Variants in ABCG2 observed in about 807,000 individuals in gnomAD.
ABCG2 encodes broad substrate specificity ATP-binding cassette transporter ABCG2.
In ABCG2, 80 loss-of-function variants were observed where a neutral mutation model predicts 73.5. The ratio of observed to expected loss-of-function variants is 1.09; its 90% CI spans 0.91 to 1.31. The LOEUF is 1.31. Ranked by LOEUF, ABCG2 falls within the 50% of genes most tolerant of loss-of-function variation. The pLI is 0.00. For missense variants in ABCG2, 796 were observed against 786.2 expected (o/e 1.01, Z -0.15); for synonymous variants, 269 against 282.4 (o/e 0.95, Z 0.48).
chr4:88,182,513 T>G (rs1728296938), intron 1 of ABCG2, among the ~76,000 whole-genome samples: 1 of 152,094 alleles, frequency 6.6e-6, no homozygotes, highest in Non-Finnish European at 1.5e-5. Flanking sequence ...AAAGCAAGTC[T>G]TTAAAAATTC....
chr4:88,090,904 G>C lies in ABCG2; in HGVS notation c.*1330C>G, dbSNP rs1721600271. The C allele has an allele frequency of 6.6e-6, 1 of 152,234 alleles. No individual in the cohort carries two copies. The highest frequency in any genetic ancestry group is 1.5e-5 in the Non-Finnish European group (1 of 68,032). 9.4% of individuals were successfully genotyped at this position (152,234 alleles called of 1,614,324 possible). A position where few individuals can be genotyped will look rare whatever the true frequency, so the allele number is the denominator to read the frequency against. ...TTAACATTAAGGGAAGCTGAGCAAA[G>C]AGTAGACAGGAACTTTCCTCACTAT... On this transcript the variant is annotated 3_prime_UTR_variant, in exon 16 of 16. Transcript: ENST00000237612.
At chr4:88,102,139 G>A (rs1722466625) in intron 10 of ABCG2, among the ~76,000 whole-genome samples, 1 of 152,192 alleles carries the variant, frequency 6.6e-6, no homozygotes, top group South Asian at 2.1e-4. Flanking sequence ...GCAGGGCCGT[G>A]ACATTATCCT....
intron 10 of ABCG2, among the ~76,000 whole-genome samples, chr4:88,105,556 CACA>C (rs1722717037): frequency 1.3e-5 from 2 of 152,140 alleles, no homozygotes; most frequent in African/African-American, 4.8e-5. Flanking sequence ...AGGTAAGGAT[CACA>C]ACACTAACAA....
chr4:88,114,731 T>A (rs1208517984), intron 8 of ABCG2, among the ~76,000 whole-genome samples: 2 of 152,168 alleles, frequency 1.3e-5, no homozygotes, highest in African/African-American at 4.8e-5. Flanking sequence ...GAGCATTTTT[T>A]AAAATGTTAA....
chr4:88,151,362 A>C lies in ABCG2; in HGVS notation c.-20+7024T>G, dbSNP rs570983561. Among the ~76,000 whole-genome samples, 131 of 152,326 alleles carry C rather than the reference A, an allele frequency of 8.6e-4. 1 individual carries two copies. The highest frequency in any genetic ancestry group is 1.6e-3 in the Non-Finnish European group (110 of 68,036). Reference sequence around the variant, plus strand: ...TACAACCCAGTCCTTGTTCTCCGTGAGTCTAGTACATGTCAACTACATGAA... The same window carrying C: ...TACAACCCAGTCCTTGTTCTCCGTGCGTCTAGTACATGTCAACTACATGAA... On this transcript the variant is annotated intron_variant, in intron 1 of 15. Transcript: ENST00000237612.
intron 9 of ABCG2, among the ~76,000 whole-genome samples, chr4:88,112,083 CT>C (rs1560669858): frequency 8.3e-6 from 1 of 120,980 alleles, no homozygotes; most frequent in East Asian, 2.3e-4. Flanking sequence ...GAGACCCAGT[CT>C]CTAAAAAAAA....
At chr4:88,180,252 A>G (rs1188333123) in intron 1 of ABCG2, among the ~76,000 whole-genome samples, 3 of 152,200 alleles carry the variant, frequency 2.0e-5, no homozygotes, top group Non-Finnish European at 4.4e-5. Context: ...TCTACAGGCC[A>G]GGAGAGAGTG....
chr4:88,190,897 A>G (rs1456440007), intron 1 of ABCG2, among the ~76,000 whole-genome samples: 1 of 152,074 alleles, frequency 6.6e-6, no homozygotes, highest in Non-Finnish European at 1.5e-5. Context: ...GATTATATAA[A>G]GAACCATTAC....
At chr4:88,127,897 C>A (rs531770396) in intron 5 of ABCG2, among the ~76,000 whole-genome samples, 13 of 150,942 alleles carry the variant, frequency 8.6e-5, no homozygotes, top group African/African-American at 2.4e-4. Context: ...GCAACAAAAG[C>A]CAAAATTGAC....
chr4:88,108,425 G>A (rs886086680), intron 9 of ABCG2, among the ~76,000 whole-genome samples: 3 of 152,100 alleles, frequency 2.0e-5, no homozygotes, highest in South Asian at 2.1e-4. Flanking sequence ...CCAGCTACTC[G>A]GGAGGCTGAG....
intron 1 of ABCG2, among the ~76,000 whole-genome samples, chr4:88,205,336 C>A (rs998438028): frequency 3.3e-5 from 5 of 152,192 alleles, no homozygotes; most frequent in Non-Finnish European, 5.9e-5. Flanking sequence ...AGCATTAAAC[C>A]TCTAAGATAT....
At chr4:88,189,519 A>C (rs1394749896) in intron 1 of ABCG2, among the ~76,000 whole-genome samples, 2 of 140,206 alleles carry the variant, frequency 1.4e-5, no homozygotes, top group Non-Finnish European at 3.1e-5. Flanking sequence ...GCATCTAAAA[A>C]TATAAATAAA....
In ABCG2 at chr4:88,121,617, T is replaced by G; in HGVS notation, c.689+18A>C. The G allele has an allele frequency of 6.2e-7, 1 of 1,611,044 alleles. No homozygotes were observed. Among genetic ancestry groups the G allele is most frequent in the Non-Finnish European group, 8.5e-7 (1 of 1,178,580 alleles). ...TGATAAGATATTAACTAAAGAATAA[T>G]GTTTCCAGAGCATTTACCTTTTCAG... On this transcript the variant is annotated intron_variant, in intron 6 of 15. Coordinates refer to ENST00000237612, the MANE Select transcript of ABCG2 (RefSeq NM_004827.3).
At chr4:88,114,677 A>T (rs1723403490) in intron 8 of ABCG2, among the ~76,000 whole-genome samples, 3 of 152,108 alleles carry the variant, frequency 2.0e-5, no homozygotes, top group African/African-American at 4.8e-5. Flanking sequence ...ATGCAAATGC[A>T]TATATTGCCA....
Position 88,131,125 on chromosome 4 carries a change from T to C in ABCG2, c.467A>G (p.Glu156Gly), listed in dbSNP as rs760787947. Residue 156 changes from glutamate (E) to glycine (G), a missense_variant, in exon 5 of 16, where the codon GAA becomes GGA. Glu to Gly is a moderately conservative substitution (Grantham distance 98). Coordinates refer to ENST00000237612, the MANE Select transcript of ABCG2 (RefSeq NM_004827.3). The stretch of plus-strand genomic sequence containing the variant: ...GACCCTGTTAATCCGTTCGTTTTTT[T>C]CATGATTCGTCATAGTTGTTGCAAG... ...LRLATTMTNH[E>G]KNERINRVIQ... 2 of 1,613,974 alleles carry C rather than the reference T, an allele frequency of 1.2e-6. No individual in the cohort carries two copies. Among genetic ancestry groups the C allele is most frequent in the Non-Finnish European group, 1.7e-6 (2 of 1,180,026 alleles).
intron 15 of ABCG2, 76 bp downstream of exon 15, chr4:88,094,501 G>C (rs1721852042): frequency 3.1e-6 from 4 of 1,310,120 alleles, no homozygotes; most frequent in Admixed American, 3.5e-5. Context: ...GACTCATACA[G>C]ATCTAAGCCC....
intron 1 of ABCG2, among the ~76,000 whole-genome samples, chr4:88,194,316 C>A (rs936754145): frequency 6.6e-6 from 1 of 151,094 alleles, no homozygotes; most frequent in African/African-American, 2.4e-5. Context: ...TTTGGGAGGC[C>A]GAGGCGGGCG....
At chr4:88,106,630 T>C (rs1419908599) in intron 10 of ABCG2, among the ~76,000 whole-genome samples, 1 of 152,204 alleles carries the variant, frequency 6.6e-6, no homozygotes, top group Non-Finnish European at 1.5e-5. Context: ...AGATGGGAAG[T>C]TATTGCTTAA....
At chr4:88,186,885 C>G (rs552726870) in intron 1 of ABCG2, among the ~76,000 whole-genome samples, 219 of 132,876 alleles carry the variant, frequency 1.6e-3, no homozygotes, top group African/African-American at 6.1e-3. Flanking sequence ...CGCCACTGCA[C>G]TCCAGCCTGG....
Sources: allele counts gnomAD v4.1 joint callset (sites outside exome capture counted in the v4.1 genomes callset), GRCh38; gene constraint gnomAD v4.1.1; transcripts MANE v1.5; gene names NCBI Gene and HGNC (gene_info 2026-07-23, HGNC 2026-07-21).